Variants in CAPN1 observed in about 807,000 individuals in gnomAD.
CAPN1 encodes calpain 1, also known as calpain-1 catalytic subunit.
A neutral mutation model predicts 105.2 loss-of-function variants in CAPN1; 77 were observed. The ratio of observed to expected loss-of-function variants is 0.73; its 90% CI spans 0.61 to 0.88. The LOEUF is 0.88. CAPN1 is among the 40% of genes least tolerant of loss of function. CAPN1 has a pLI of 0.00. For synonymous variants in CAPN1, 355 were observed against 388.8 expected, an observed-to-expected ratio of 0.91 and a Z score of 1.02; for missense variants, 833 against 976.6, an observed-to-expected ratio of 0.85 and a Z score of 1.96.
Position 65,209,190 on chromosome 11 carries a change from A to T in CAPN1, c.1730-133A>T. On this transcript the variant is annotated intron_variant, in intron 16 of 21. Coordinates refer to ENST00000279247, the MANE Select transcript of CAPN1 (RefSeq NM_005186.4). This position sits in a 1 kb window ranked among gnomAD's most constrained non-coding sequence, Gnocchi z 4.1. ...CCTGATGATACAAACAATCCTGCCC[A>T]CTTCCTCTGCCAGATATTGCACCCA... The T allele has an allele frequency of 1.5e-6, 1 of 689,622 alleles. No homozygotes were observed. Among genetic ancestry groups the T allele is most frequent in the Non-Finnish European group, 2.7e-6 (1 of 377,270 alleles). The allele number at this position is 689,622 out of a possible 1,614,324, so 42.7% of individuals were successfully genotyped here.
In CAPN1 at chr11:65,206,602, C is replaced by T. The variant is rs1175663649; in HGVS notation, c.1493C>T (p.Pro498Leu). The T allele has an allele frequency of 3.1e-6, 5 of 1,613,294 alleles. No homozygotes were observed. The East Asian group carries it at 6.7e-5, about 22-fold the overall frequency. ...CCACCCGGGGAGTATGTGGTGGTGC[C>T]CTCCACCTTCGAGCCCAACAAGGAG... ...RLPPGEYVVV[P>L]STFEPNKEGD... is the part of the protein sequence containing the mutation. The change falls in exon 13 of 22, where the codon CCC (proline) becomes CTC (leucine). Residue 498 changes from proline to leucine, a missense_variant. Pro to Leu is a moderately conservative substitution (Grantham distance 98). Coordinates refer to ENST00000279247, the MANE Select transcript of CAPN1 (RefSeq NM_005186.4).
In CAPN1 at chr11:65,210,457, G is replaced by A; in HGVS notation, c.2059+5G>A. On this transcript the variant is annotated splice_donor_5th_base_variant and intron_variant, in intron 20 of 21. Coordinates refer to ENST00000279247, the MANE Select transcript of CAPN1 (RefSeq NM_005186.4). The surrounding 1 kb of genome is among the most constrained non-coding windows in gnomAD (Gnocchi z 4.3). ...TGCGGCTAGAGACCATGTTCCGTGA[G>A]TGTCCCCAACTGCCTCCCACCCTCC... The A allele has an allele frequency of 1.3e-6, 2 of 1,573,622 alleles. No individual in the cohort carries two copies. The highest frequency in any genetic ancestry group is 1.7e-6 in the Non-Finnish European group (2 of 1,145,530).
chr11:65,200,555 G>C (rs553759746), intron 10 of CAPN1, among the ~76,000 whole-genome samples: 1 of 152,250 alleles, frequency 6.6e-6, no homozygotes, highest in East Asian at 1.9e-4. Flanking sequence ...ATCTTGGCCA[G>C]GCTGGTCTTG....
chr11:65,197,662 G>A (rs1449781346), intron 10 of CAPN1, among the ~76,000 whole-genome samples: 1 of 152,016 alleles, frequency 6.6e-6, no homozygotes, highest in African/African-American at 2.4e-5. Flanking sequence ...CCAGGTGGAC[G>A]GATCACCTGA....
chr11:65,183,472 A>T lies in CAPN1; in HGVS notation c.338-2A>T. 6.2e-7 allele frequency: 1 copy of T among 1,608,378 alleles called. No homozygotes were observed. The highest frequency in any genetic ancestry group is 1.3e-5 in the African/African-American group (1 of 74,962). On this transcript the variant is annotated splice_acceptor_variant, in intron 3 of 21. Coordinates refer to ENST00000279247, the MANE Select transcript of CAPN1 (RefSeq NM_005186.4). LOFTEE classifies it high-confidence loss of function. ...GGCTAATGTGCATCCCTCCTGCCCC[A>T]GGGGACTGCTGGCTCTTGGCGGCCA...
rs759673293 is a variant in CAPN1 at position 65,206,816 on chromosome 11, T to A, written c.1602T>A (p.Asp534Glu). ...ACCAGATCCAGGCCAATCTCCCCGA[T>A]GAGGTGCGTGGTCCCACCCCACCAG... is the stretch of plus-strand genomic sequence containing the variant. ...LDDQIQANLP[D>E]EQVLSEEEID... is the part of the protein sequence containing the mutation. The change falls in exon 14 of 22, where the codon GAT becomes GAA. Residue 534 changes from aspartate to glutamate, a missense_variant. Physicochemically the swap from Asp to Glu is conservative, Grantham distance 45. Transcript: ENST00000279247. 1 of 1,611,876 alleles carries A rather than the reference T, an allele frequency of 6.2e-7. No homozygotes were observed. Among genetic ancestry groups the A allele is most frequent in the Non-Finnish European group, 8.5e-7 (1 of 1,179,194 alleles).
In CAPN1 at chr11:65,211,308, G is replaced by A; in HGVS notation, c.*22G>A. ...ATGAGGCAGGGACTCGGTCCCCCTT[G>A]CCGTGCTCCCCTCCCTCCTCGTCTG... On this transcript the variant is annotated 3_prime_UTR_variant, in exon 22 of 22. Coordinates refer to ENST00000279247, the MANE Select transcript of CAPN1 (RefSeq NM_005186.4). The A allele has an allele frequency of 6.2e-7, 1 of 1,611,030 alleles. No homozygotes were observed. The highest frequency in any genetic ancestry group is 8.5e-7 in the Non-Finnish European group (1 of 1,179,306).
chr11:65,204,791 A>T lies in CAPN1; in HGVS notation c.1274A>T (p.Gln425Leu), dbSNP rs748700097. The T allele has an allele frequency of 6.2e-7, 1 of 1,612,664 alleles. No individual in the cohort carries two copies. The highest frequency in any genetic ancestry group is 1.1e-5 in the South Asian group (1 of 91,080). Residue 425 changes from glutamine (Q) to leucine (L), a missense_variant, in exon 11 of 22, where the codon CAG becomes CTG. Gln to Leu is a moderately radical substitution (Grantham distance 113, BLOSUM62 -2). Transcript: ENST00000279247. ...SGCSFVLALM[Q>L]KHRRRERRFG... ...TGCAGCTTCGTGCTCGCCCTTATGC[A>T]GAAGCACCGTCGCCGCGAGCGCCGC...
intron 12 of CAPN1, 37 bp downstream of exon 12, chr11:65,205,758 C>G: frequency 4.4e-6 from 7 of 1,606,034 alleles, no homozygotes; most frequent in African/African-American, 1.3e-5. Context: ...CAGTCACACA[C>G]CCCTGATGGT....
intron 10 of CAPN1, among the ~76,000 whole-genome samples, chr11:65,196,685 A>G (rs946125464): frequency 3.9e-5 from 6 of 152,142 alleles, no homozygotes; most frequent in Non-Finnish European, 7.3e-5. Context: ...TGGCCATGCT[A>G]TGTAATTTCT....
At position 65,209,740 on chromosome 11, in the gene CAPN1, C is replaced by G; in HGVS notation, c.1795-109C>G. 1 of 1,075,988 alleles carries G rather than the reference C, an allele frequency of 9.3e-7. No individual in the cohort carries two copies. Among genetic ancestry groups the G allele is most frequent in the South Asian group, 1.5e-5 (1 of 68,772 alleles). 66.7% of individuals were successfully genotyped at this position (1,075,988 alleles called of 1,614,324 possible). A position where few individuals can be genotyped will look rare whatever the true frequency, so the allele number is the denominator to read the frequency against. On this transcript the variant is annotated intron_variant, in intron 17 of 21. Transcript: ENST00000279247. The surrounding 1 kb of genome is among the most constrained non-coding windows in gnomAD (Gnocchi z 4.1). ...ATGGCTTTTGCTGCTTCTCCTCACC[C>G]AGCCCCAAGTCGACTTGCCGGCTCG...
intron 10 of CAPN1, among the ~76,000 whole-genome samples, chr11:65,200,047 GTT>G (rs1213555461): frequency 6.6e-6 from 1 of 152,038 alleles, no homozygotes; most frequent in Non-Finnish European, 1.5e-5. Context: ...CACCTTTTTC[GTT>G]CTTTTTTATT....
chr11:65,186,450 A>C, intron 6 of CAPN1, 112 bp downstream of exon 6: 1 of 959,212 alleles, frequency 1.0e-6, no homozygotes, highest in East Asian at 2.6e-5. Flanking sequence ...CCTGCACTTA[A>C]GCTTCATCTC....
At position 65,183,611 on chromosome 11, in the gene CAPN1, A is replaced by G; in HGVS notation, c.456+19A>G. The G allele has an allele frequency of 6.5e-7, 1 of 1,543,086 alleles. No homozygotes were observed. ...TTTCCAGGTGAGGGCTCCCCTGGGGAGGAGGGGCAGCAGGCACTGGGGGAG... is the reference window on the plus strand; with the variant it reads ...TTTCCAGGTGAGGGCTCCCCTGGGGGGGAGGGGCAGCAGGCACTGGGGGAG... On this transcript the variant is annotated intron_variant, in intron 4 of 21. Transcript: ENST00000279247.
chr11:65,192,720 C>T (rs1458154192), intron 10 of CAPN1, among the ~76,000 whole-genome samples: 3 of 151,590 alleles, frequency 2.0e-5, no homozygotes, highest in African/African-American at 4.9e-5. Flanking sequence ...CAAATCCTGC[C>T]TCAGCCTCCT....
At chr11:65,191,483 A>G (rs1338672433) in intron 10 of CAPN1, among the ~76,000 whole-genome samples, 1 of 152,124 alleles carries the variant, frequency 6.6e-6, no homozygotes, top group Admixed American at 6.5e-5. Context: ...GGTTCAAGTG[A>G]TTCTCGTGCC....
intron 10 of CAPN1, among the ~76,000 whole-genome samples, chr11:65,195,510 A>G (rs943754046): frequency 6.6e-6 from 1 of 152,100 alleles, no homozygotes; most frequent in African/African-American, 2.4e-5. Context: ...TTTCCCCTTC[A>G]TTCTATTAAT....
chr11:65,188,162 C>A lies in CAPN1; in HGVS notation c.929+122C>A. On this transcript the variant is annotated intron_variant, in intron 8 of 21. Coordinates refer to ENST00000279247, the MANE Select transcript of CAPN1 (RefSeq NM_005186.4). This position sits in a 1 kb window ranked among gnomAD's most constrained non-coding sequence, Gnocchi z 5.5. ...GATTGAGCAGAGGGGCCCATCTTCGCGCGACTGGGTCTGGGGGACTGCTCT... is the reference window on the plus strand; with the variant it reads ...GATTGAGCAGAGGGGCCCATCTTCGAGCGACTGGGTCTGGGGGACTGCTCT... 1 of 757,742 alleles carries A rather than the reference C, an allele frequency of 1.3e-6. No homozygotes were observed. The highest frequency in any genetic ancestry group is 2.1e-6 in the Non-Finnish European group (1 of 465,458). The allele number at this position is 757,742 out of a possible 1,614,324, so 46.9% of individuals were successfully genotyped here.
chr11:65,205,760 C>T (rs773273128), intron 12 of CAPN1, 39 bp downstream of exon 12: 11 of 1,604,210 alleles, frequency 6.9e-6, no homozygotes, highest in Non-Finnish European at 9.4e-6. Flanking sequence ...GTCACACACC[C>T]CTGATGGTGC....
Sources: gnomAD v4.1 joint callset for allele counts (sites outside exome capture counted in the v4.1 genomes callset) on GRCh38, gnomAD v4.1.1 for gene constraint, Gnocchi (gnomAD v3.1) non-coding constraint, MANE v1.5 for transcripts, NCBI Gene and HGNC (gene_info 2026-07-23, HGNC 2026-07-21) for gene names.